FABP12: variants seen among roughly 807,000 people sequenced by gnomAD.
FABP12 encodes fatty acid-binding protein 12.
A neutral mutation model predicts 13.7 loss-of-function variants in FABP12; 19 were observed. The observed-to-expected ratio is 1.39, with a 90% CI of 0.97 to 2.04. FABP12 has a LOEUF of 2.04. FABP12 is among the 30% of genes most tolerant of loss of function. The probability of loss-of-function intolerance (pLI) is 0.00; values close to 1 mark genes in which losing one functional copy is unlikely to be tolerated. For synonymous variants in FABP12, 61 were observed against 57.0 expected (o/e 1.07, Z -0.32); for missense variants, 182 against 164.2 (o/e 1.11, Z -0.59).
At chr8:81,584,274 G>C (rs780935784) in intron 1 of FABP12, among the ~76,000 whole-genome samples, 5 of 152,198 alleles carry the variant, frequency 3.3e-5, no homozygotes, top group Non-Finnish European at 7.3e-5. Context: ...GACTGCAGGA[G>C]GTGAGTGGAG....
chr8:81,541,252 G>T (rs1809334297), intron 1 of FABP12, among the ~76,000 whole-genome samples: 1 of 151,816 alleles, frequency 6.6e-6, no homozygotes. Context: ...TCACCTGGAA[G>T]CTTGTTAGCA....
chr8:81,554,404 T>C (rs556655611), intron 1 of FABP12, among the ~76,000 whole-genome samples: 43 of 152,336 alleles, frequency 2.8e-4, no homozygotes, highest in Non-Finnish European at 5.0e-4. Flanking sequence ...GGGATTTTCC[T>C]AAGGATACAC....
intron 4 of FABP12, 47 bp from the exon 5 acceptor site, chr8:81,525,167 T>G: frequency 1.6e-6 from 2 of 1,280,582 alleles, no homozygotes; most frequent in Non-Finnish European, 2.2e-6. Flanking sequence ...GTTAGTGAAA[T>G]TAACATTTAG....
upstream of FABP12, among the ~76,000 whole-genome samples, chr8:81,535,611 T>C (rs886167708): frequency 6.6e-6 from 1 of 152,224 alleles, no homozygotes; most frequent in African/African-American, 2.4e-5. Flanking sequence ...TCTAACATGA[T>C]GATTTGGCAC....
At chr8:81,574,356 A>G (rs1031063607) in intron 1 of FABP12, among the ~76,000 whole-genome samples, 2 of 152,176 alleles carry the variant, frequency 1.3e-5, no homozygotes, top group Admixed American at 6.5e-5. Flanking sequence ...TCGATTAGCT[A>G]GCATTTTGAT....
intron 3 of FABP12, among the ~76,000 whole-genome samples, chr8:81,528,872 G>A (rs1033582175): frequency 1.3e-5 from 2 of 152,154 alleles, no homozygotes; most frequent in African/African-American, 4.8e-5. Flanking sequence ...ACAGGTGGTA[G>A]TTGAACCTCT....
intron 1 of FABP12, among the ~76,000 whole-genome samples, chr8:81,585,776 A>T (rs948182340): frequency 3.3e-5 from 5 of 152,074 alleles, no homozygotes; most frequent in Non-Finnish European, 5.9e-5. Flanking sequence ...TGGTTTTTTT[A>T]AATAGATCAT....
At chr8:81,551,521 A>C (rs1056569776) in intron 1 of FABP12, among the ~76,000 whole-genome samples, 2 of 152,188 alleles carry the variant, frequency 1.3e-5, no homozygotes, top group African/African-American at 4.8e-5. Flanking sequence ...AAAAGACTTA[A>C]GGCAGGGAAT....
exon 2 of FABP12, chr8:81,531,259 G>A (rs1157219638): frequency 6.2e-7 from 1 of 1,606,812 alleles, no homozygotes; most frequent in Admixed American, 1.7e-5. Context: ...CCTTCATGTA[G>A]TCTTCGGAAT....
At chr8:81,559,324 G>A (rs1809676850) in intron 1 of FABP12, among the ~76,000 whole-genome samples, 2 of 152,220 alleles carry the variant, frequency 1.3e-5, no homozygotes, top group African/African-American at 4.8e-5. Flanking sequence ...TTGTTAGGCT[G>A]TTAAACAGCT....
intron 1 of FABP12, among the ~76,000 whole-genome samples, chr8:81,542,126 A>G (rs12335026): frequency 0.27 from 40,296 of 151,884 alleles, 6,614 homozygotes; most frequent in African/African-American, 0.48. Context: ...CTGATGGAGT[A>G]TTGTTATAAA....
At chr8:81,574,453 G>A (rs1034447192) in intron 1 of FABP12, among the ~76,000 whole-genome samples, 3 of 152,058 alleles carry the variant, frequency 2.0e-5, no homozygotes, top group Non-Finnish European at 4.4e-5. Context: ...GTATTAGGGT[G>A]ATGCTGGCTT....
intron 2 of FABP12, 130 bp from the exon 3 acceptor site, chr8:81,529,740 T>A: frequency 1.2e-6 from 1 of 867,200 alleles, no homozygotes; most frequent in Non-Finnish European, 1.7e-6. Flanking sequence ...CTTTGCTAAC[T>A]AGGAGGTTTG....
chr8:81,528,843 G>A lies in FABP12; in HGVS notation c.246+595C>T, dbSNP rs542206740. On this transcript the variant is annotated intron_variant, in intron 3 of 4. Coordinates refer to ENST00000360464, the Ensembl canonical transcript of FABP12. ...GCCCATGTCTCTTTATCCTGGTGTT[G>A]GAGAAGACCAGGATGTCCACAGGTG... Among the ~76,000 whole-genome samples the A allele has an allele frequency of 1.2e-4, 18 of 152,258 alleles. No individual in the cohort carries two copies. The East Asian group carries it at 3.5e-3, about 29-fold the overall frequency.
At chr8:81,564,885 T>C (rs1472727892) in intron 1 of FABP12, among the ~76,000 whole-genome samples, 1 of 151,454 alleles carries the variant, frequency 6.6e-6, no homozygotes, top group East Asian at 1.9e-4. Context: ...TCAAAAGAAA[T>C]AGACTGTCTG....
At chr8:81,573,997 G>C (rs1373285855) in intron 1 of FABP12, among the ~76,000 whole-genome samples, 1 of 152,174 alleles carries the variant, frequency 6.6e-6, no homozygotes, top group Non-Finnish European at 1.5e-5. Flanking sequence ...ATGTTGAAGA[G>C]GAGTGGTGAA....
chr8:81,529,321 A>C, intron 3 of FABP12, 117 bp downstream of exon 3: 1 of 1,007,636 alleles, frequency 9.9e-7, no homozygotes, highest in Non-Finnish European at 1.6e-6. Context: ...CCTATGTTTT[A>C]GACAAAAGTT....
chr8:81,560,963 G>A (rs1016524520), intron 1 of FABP12, among the ~76,000 whole-genome samples: 8 of 152,160 alleles, frequency 5.3e-5, no homozygotes, highest in African/African-American at 9.7e-5. Context: ...ACAATGCTGC[G>A]GGGCAAAGGA....
In FABP12 at chr8:81,546,642, C is replaced by A. The variant is rs565176304; in HGVS notation, c.-184-6899G>T. On this transcript the variant is annotated intron_variant, in intron 1 of 5. Transcript: ENST00000692030. Reference sequence around the variant, plus strand: ...CTGCACTCCAGCCTGGGTGACAGAGCGAGACTCCGTCTCAAAATAAAATGA... The same window carrying A: ...CTGCACTCCAGCCTGGGTGACAGAGAGAGACTCCGTCTCAAAATAAAATGA... 6.6e-5 allele frequency among the ~76,000 whole-genome samples: 10 copies of A among 151,918 alleles called. No homozygotes were observed. In the South Asian group the frequency reaches 2.1e-3, roughly 32 times the overall value.
Sources: gnomAD v4.1 joint callset for allele counts (sites outside exome capture counted in the v4.1 genomes callset) on GRCh38, gnomAD v4.1.1 for gene constraint, MANE v1.5 for transcripts, NCBI Gene and HGNC (gene_info 2026-07-23, HGNC 2026-07-21) for gene names.